WAS: variants seen among roughly 807,000 people sequenced by gnomAD.
The protein encoded by WAS is actin nucleation-promoting factor WAS.
Under a neutral mutation model 38.9 loss-of-function variants are expected in WAS, and 1 was observed. The ratio of observed to expected loss-of-function variants is 0.03; its 90% confidence interval spans 0.01 to 0.12. The LOEUF is 0.12. WAS is among the 10% of genes least tolerant of loss of function. The pLI is 1.00. For missense variants in WAS, 311 were observed against 431.2 expected (o/e 0.72, Z 2.47); for synonymous variants, 182 against 173.6 (o/e 1.05, Z -0.38).
upstream of WAS, among the ~76,000 whole-genome samples, chrX:48,678,930 A>G (rs782542168): frequency 4.8e-4 from 54 of 112,302 alleles, 1 homozygote; most frequent in South Asian, 0.019. Flanking sequence ...TATGAATATG[A>G]AAAGTGATAC....
At position 48,688,881 on chromosome X, in the gene WAS, C is replaced by T; in HGVS notation, c.1153C>T (p.Pro385Ser). 4 of 1,165,250 alleles carry T rather than the reference C, an allele frequency of 3.4e-6. No individual in the cohort carries two copies. The change falls in exon 10 of 12, where the codon CCC becomes TCC. Residue 385 changes from proline (P) to serine (S), a missense_variant. Pro to Ser is a moderately conservative substitution (Grantham distance 74). Coordinates refer to ENST00000376701, the MANE Select transcript of WAS (RefSeq NM_000377.3). Reference sequence around the variant, plus strand: ...ACGTTCTGGACCACTGCCCCCTCCACCCCCTGGAGCTGGTGGGCCACCCAT... The same window carrying T: ...ACGTTCTGGACCACTGCCCCCTCCATCCCCTGGAGCTGGTGGGCCACCCAT... The part of the protein sequence containing the change: ...TGRSGPLPPP[P>S]PGAGGPPMPP...
chrX:48,684,562 A>C, intron 2 of WAS, 139 bp downstream of exon 2: 2 of 847,286 alleles, frequency 2.4e-6, no homozygotes, highest in East Asian at 6.9e-5. Flanking sequence ...AGACTCATCC[A>C]GATGGCAAAC....
At chrX:48,679,563 T>A (rs2062397079), upstream of WAS, among the ~76,000 whole-genome samples, 1 of 110,765 alleles carries the variant, frequency 9.0e-6, no homozygotes, top group African/African-American at 3.3e-5. Flanking sequence ...GAGGGCAGAA[T>A]GCTTGAGCCC....
chrX:48,690,109 C>T (rs1352518558), intron 11 of WAS, among the ~76,000 whole-genome samples: 3 of 111,352 alleles, frequency 2.7e-5, no homozygotes, highest in Admixed American at 9.6e-5. Flanking sequence ...TTCATTATGA[C>T]GTAACCTAAT....
At chrX:48,676,904 C>T (rs1207890075) in intron 1 of WAS, among the ~76,000 whole-genome samples, 1 of 112,698 alleles carries the variant, frequency 8.9e-6, no homozygotes, top group Non-Finnish European at 1.9e-5. Flanking sequence ...CTGTAGACAC[C>T]CCTAGGGTCA....
chrX:48,688,024 G>A, intron 7 of WAS, 30 bp from the exon 8 acceptor site: 1 of 1,196,942 alleles, frequency 8.4e-7, no homozygotes, highest in Non-Finnish European at 1.1e-6. Context: ...GGGCAGTGAG[G>A]ATTCACTGGA....
At chrX:48,684,158 T>C in intron 1 of WAS, 125 bp from the exon 2 acceptor site, 1 of 1,124,055 alleles carries the variant, frequency 8.9e-7, no homozygotes, top group Non-Finnish European at 1.2e-6. Flanking sequence ...CTACTTGCCT[T>C]CCCTCTGGCT....
chrX:48,684,434 C>CA lies in WAS; in HGVS notation c.273+12dup, dbSNP rs1569493737. 2.5e-6 allele frequency: 3 copies of CA among 1,202,714 alleles called. No homozygotes were observed. The South Asian group carries it at 5.4e-5, about 22-fold the overall frequency. On this transcript the variant is annotated intron_variant, in intron 2 of 11. Transcript: ENST00000376701. The stretch of plus-strand genomic sequence containing the variant: ...CTTTACGGCCTTCAGGTGACCCCCC[C>CA]ACCCCCGACTGGACTTGCAAGCCAG...
chrX:48,678,259 G>A (rs1287285024), intron 1 of WAS, among the ~76,000 whole-genome samples: 5 of 111,647 alleles, frequency 4.5e-5, no homozygotes, highest in Non-Finnish European at 7.5e-5. Context: ...AAGATAGTAC[G>A]GTGAGGGGAG....
rs1347193089 is a variant in WAS at position 48,689,345 on chromosome X, C to T, written c.1364C>T (p.Ala455Val). 1.2e-5 allele frequency: 15 copies of T among 1,205,196 alleles called. No homozygotes were observed. The highest frequency in any genetic ancestry group is 1.7e-5 in the Non-Finnish European group (15 of 893,128). The change falls in exon 11 of 12, where the codon GCG (alanine) becomes GTG (valine). Residue 455 changes from alanine to valine, a missense_variant. Ala to Val is a moderately conservative substitution (Grantham distance 64, BLOSUM62 0). Transcript: ENST00000376701. ...NKTPGAPESSALQPPPQSSEG... is the reference protein window; with the variant it reads ...NKTPGAPESSVLQPPPQSSEG... ...ACCCCTGGGGCCCCAGAGAGCTCAG[C>T]GCTGCAGCCACCACCTCAGAGCTCA...
chrX:48,683,662 C>A (rs2062409258), upstream of WAS: 1 of 562,460 alleles, frequency 1.8e-6, no homozygotes, highest in African/African-American at 2.3e-5. Context: ...GAGGAGGGTT[C>A]CAATCTGATG....
At chrX:48,689,116 C>T (rs2147267077) in intron 10 of WAS, 50 bp downstream of exon 10, 1 of 1,146,873 alleles carries the variant, frequency 8.7e-7, no homozygotes, top group Non-Finnish European at 1.2e-6. Flanking sequence ...CTGGGGTGTC[C>T]CGTCTAAGTC....
upstream of WAS, among the ~76,000 whole-genome samples, chrX:48,680,018 C>G (rs1557005583): frequency 9.0e-6 from 1 of 111,426 alleles, no homozygotes; most frequent in African/African-American, 3.3e-5. Flanking sequence ...ACCCTCGACC[C>G]AAAGGAAAAA....
Position 48,689,403 on chromosome X carries a change from G to A in WAS, c.1422G>A (p.Met474Ile). ...TGGTGGGGGCCCTGATGCACGTGAT[G>A]CAGAAGAGAAGCAGAGCCATCCACT... ...EGLVGALMHV[M>I]QKRSRAIHSS... Residue 474 changes from methionine (M) to isoleucine (I), a missense_variant, in exon 11 of 12, where the codon ATG becomes ATA. This residue lies in a region of WAS where 142 missense variants were observed against 157.6 expected (regional missense o/e 0.90). Transcript: ENST00000376701. 2 of 1,209,882 alleles carry A rather than the reference G, an allele frequency of 1.7e-6. No individual in the cohort carries two copies. The highest frequency in any genetic ancestry group is 2.2e-6 in the Non-Finnish European group (2 of 894,848).
At chrX:48,679,610 C>A (rs1222505136), upstream of WAS, among the ~76,000 whole-genome samples, 3 of 109,780 alleles carry the variant, frequency 2.7e-5, no homozygotes, top group African/African-American at 1.0e-4. Flanking sequence ...ATAGTGAGAC[C>A]CCATCTCTAC....
At chrX:48,678,413 A>G (rs2062395003) in intron 1 of WAS, among the ~76,000 whole-genome samples, 1 of 111,439 alleles carries the variant, frequency 9.0e-6, no homozygotes, top group Non-Finnish European at 1.9e-5. Context: ...CCCATGTCTT[A>G]TTACCTACTC....
chrX:48,690,287 G>A (rs1263095311), intron 11 of WAS, among the ~76,000 whole-genome samples: 1 of 106,402 alleles, frequency 9.4e-6, no homozygotes, highest in Non-Finnish European at 1.9e-5. Context: ...ACCATACCTG[G>A]CTAATTTTTG....
chrX:48,684,443 C>A lies in WAS; in HGVS notation c.273+20C>A. On this transcript the variant is annotated intron_variant, in intron 2 of 11. Coordinates refer to ENST00000376701, the MANE Select transcript of WAS (RefSeq NM_000377.3). ...CTTCAGGTGACCCCCCCACCCCCGA[C>A]TGGACTTGCAAGCCAGTTCTCAACC... is the stretch of plus-strand genomic sequence containing the variant. 8.3e-7 allele frequency: 1 copy of A among 1,200,645 alleles called. No individual in the cohort carries two copies. Among genetic ancestry groups the A allele is most frequent in the South Asian group, 1.8e-5 (1 of 55,302 alleles).
intron 11 of WAS, among the ~76,000 whole-genome samples, 192 bp from the exon 12 acceptor site, chrX:48,690,915 G>T (rs1379882429): frequency 9.0e-6 from 1 of 110,518 alleles, no homozygotes; most frequent in African/African-American, 3.3e-5. Flanking sequence ...CCACATTTTT[G>T]ACAGCATAAA....
Sources: allele counts gnomAD v4.1 joint callset (sites outside exome capture counted in the v4.1 genomes callset), GRCh38; gene constraint gnomAD v4.1.1; regional missense constraint gnomAD v4.1.1; transcripts MANE v1.5; gene names NCBI Gene and HGNC (gene_info 2026-07-23, HGNC 2026-07-21).